TYW1: variants seen among roughly 807,000 people sequenced by gnomAD.
The protein encoded by TYW1 is S-adenosyl-L-methionine-dependent tRNA 4-demethylwyosine synthase TYW1.
A neutral mutation model predicts 96.2 loss-of-function variants in TYW1; 46 were observed. The observed-to-expected ratio is 0.48, with a 90% CI of 0.38 to 0.61. The LOEUF (loss-of-function observed/expected upper bound fraction) is 0.61. TYW1 is among the 20% of genes least tolerant of loss of function. The pLI is 0.00. For synonymous variants in TYW1, 274 were observed against 323.0 expected (o/e 0.85, Z 1.63); for missense variants, 684 against 909.6 (o/e 0.75, Z 3.19).
rs747468942 is a variant in TYW1 at position 67,153,023 on chromosome 7, A to T, written c.1699-30103A>T. Among the ~76,000 whole-genome samples, 60 of 152,228 alleles carry T rather than the reference A, an allele frequency of 3.9e-4. No homozygotes were observed. The Middle Eastern group carries it at 0.01, about 26-fold the overall frequency. On this transcript the variant is annotated intron_variant, in intron 13 of 15. Coordinates refer to ENST00000359626, the MANE Select transcript of TYW1 (RefSeq NM_018264.4). ...AGCTGTGTAGTTCTCCAGTCACATC[A>T]CACCAGGGGGAGGTCATTTTTCTAT...
chr7:67,206,149 C>T (rs1800791978), intron 15 of TYW1, among the ~76,000 whole-genome samples: 1 of 152,144 alleles, frequency 6.6e-6, no homozygotes, highest in Non-Finnish European at 1.5e-5. Flanking sequence ...TAGATTATTT[C>T]CAGGTGAACT....
At chr7:67,056,117 C>A (rs1428090625) in intron 9 of TYW1, among the ~76,000 whole-genome samples, 4 of 152,168 alleles carry the variant, frequency 2.6e-5, no homozygotes, top group Admixed American at 1.3e-4. Flanking sequence ...TTATTGTGCC[C>A]ATTTCTAGTC....
intron 4 of TYW1, 130 bp from the exon 5 acceptor site, chr7:67,014,237 T>C (rs879087813): frequency 7.7e-6 from 10 of 1,302,100 alleles, no homozygotes; most frequent in East Asian, 7.6e-5. Context: ...CCTTCACTTT[T>C]GAAGATGAAC....
At position 67,237,510 on chromosome 7, in the gene TYW1, A is replaced by C. The variant is rs1032248223; in HGVS notation, c.1978-798A>C. ...GTGAGACTCTGTCTCAAAAAAAAAA[A>C]AAAAAAAAGACAGTGGCATGACAAG... On this transcript the variant is annotated intron_variant, in intron 15 of 15. Coordinates refer to ENST00000359626, the MANE Select transcript of TYW1 (RefSeq NM_018264.4). Among the ~76,000 whole-genome samples the C allele has an allele frequency of 6.7e-4, 102 of 152,086 alleles. 1 individual carries two copies. Among genetic ancestry groups the C allele is most frequent in the African/African-American group, 2.3e-3 (97 of 41,490 alleles).
rs190037673 is a variant in TYW1, at chr7:67,080,565, A to T, written c.1275-2865A>T. ...GGATTGCCCACCACCACACCTGGCTAATTTTTGTATTTTTAGTAGAGATGG... is the reference window on the plus strand; with the variant it reads ...GGATTGCCCACCACCACACCTGGCTTATTTTTGTATTTTTAGTAGAGATGG... On this transcript the variant is annotated intron_variant, in intron 10 of 15. Transcript: ENST00000359626. Among the ~76,000 whole-genome samples the T allele has an allele frequency of 1.5e-3, 222 of 151,962 alleles. 2 individuals are homozygous for T. Among genetic ancestry groups the T allele is most frequent in the South Asian group, 7.7e-3 (37 of 4,812 alleles).
chr7:67,195,413 C>T lies in TYW1; in HGVS notation c.1977+76C>T, dbSNP rs1800362291. The T allele has an allele frequency of 2.5e-6, 4 of 1,601,450 alleles. No individual in the cohort carries two copies. The East Asian group carries it at 8.9e-5, about 36-fold the overall frequency. On this transcript the variant is annotated intron_variant, in intron 15 of 15. Coordinates refer to ENST00000359626, the MANE Select transcript of TYW1 (RefSeq NM_018264.4). ...TTCCTTCTCTTCTCTCTTTATTTTC[C>T]TCTTACATTGTTATAGGGATTATCT...
intron 10 of TYW1, among the ~76,000 whole-genome samples, chr7:67,075,714 G>A (rs1796180857): frequency 6.6e-6 from 1 of 152,314 alleles, no homozygotes; most frequent in African/African-American, 2.4e-5. Context: ...GGTTGCCTAG[G>A]GCCGGAGGGA....
chr7:67,069,795 A>C (rs563211741), intron 10 of TYW1, among the ~76,000 whole-genome samples: 22 of 152,234 alleles, frequency 1.4e-4, no homozygotes, highest in African/African-American at 5.3e-4. Flanking sequence ...AACAGTGGTG[A>C]CTTTTGTATT....
At chr7:67,108,657 G>T (rs1173884407) in intron 12 of TYW1, among the ~76,000 whole-genome samples, 7 of 151,742 alleles carry the variant, frequency 4.6e-5, no homozygotes, top group Non-Finnish European at 4.4e-5. Context: ...GGCCAGGCTG[G>T]TCTCGAACTC....
At chr7:67,199,916 GAGAAAGAGAA>G (rs1584687477) in intron 15 of TYW1, among the ~76,000 whole-genome samples, 1 of 140,562 alleles carries the variant, frequency 7.1e-6, no homozygotes, top group South Asian at 2.3e-4. Flanking sequence ...GAAAGAGAGA[GAGAAAGAGAA>G]GAAGAGAAGA....
intron 9 of TYW1, among the ~76,000 whole-genome samples, chr7:67,064,160 C>A (rs1489619586): frequency 6.6e-6 from 1 of 152,150 alleles, no homozygotes; most frequent in Non-Finnish European, 1.5e-5. Flanking sequence ...GAAGTTCTTA[C>A]AAAAATACCA....
intron 11 of TYW1, among the ~76,000 whole-genome samples, chr7:67,090,242 G>C (rs111692144): frequency 7.9e-5 from 12 of 152,278 alleles, no homozygotes; most frequent in African/African-American, 2.9e-4. Flanking sequence ...CTCAAGTGGA[G>C]TATCTATATC....
chr7:67,127,199 T>C (rs1328126704), intron 13 of TYW1, among the ~76,000 whole-genome samples: 1 of 150,316 alleles, frequency 6.7e-6, no homozygotes, highest in Non-Finnish European at 1.5e-5. Context: ...CACTCTGTCA[T>C]CCAGGCTGGA....
intron 13 of TYW1, among the ~76,000 whole-genome samples, chr7:67,172,301 G>A (rs567453184): frequency 9.2e-5 from 14 of 151,748 alleles, no homozygotes; most frequent in South Asian, 6.3e-4. Context: ...GTAAATTAAC[G>A]TTTATATCAT....
chr7:67,218,511 A>G lies in TYW1; in HGVS notation c.1978-19797A>G, dbSNP rs868516994. Among the ~76,000 whole-genome samples the G allele has an allele frequency of 7.2e-5, 11 of 152,082 alleles. No individual in the cohort carries two copies. The South Asian group carries it at 2.3e-3, about 32-fold the overall frequency. Reference sequence around the variant, plus strand: ...TGGGACTACAAGTGCATGCCATCACAACTGGCTAATTTTTGTATTTTTTTA... The same window carrying G: ...TGGGACTACAAGTGCATGCCATCACGACTGGCTAATTTTTGTATTTTTTTA... On this transcript the variant is annotated intron_variant, in intron 15 of 15. Transcript: ENST00000359626.
At chr7:66,997,547 CTGT>C (rs1793219657) in intron 1 of TYW1, among the ~76,000 whole-genome samples, 1 of 152,132 alleles carries the variant, frequency 6.6e-6, no homozygotes, top group Admixed American at 6.5e-5. Flanking sequence ...ATTTTATATT[CTGT>C]TTTTTCTTTG....
At chr7:67,066,221 C>T (rs533959275) in intron 9 of TYW1, among the ~76,000 whole-genome samples, 2 of 152,260 alleles carry the variant, frequency 1.3e-5, no homozygotes, top group Non-Finnish European at 2.9e-5. Flanking sequence ...AGTACCCTAC[C>T]TGTCCCACTG....
At chr7:67,027,992 T>C (rs1006087730) in intron 7 of TYW1, among the ~76,000 whole-genome samples, 1 of 150,728 alleles carries the variant, frequency 6.6e-6, no homozygotes, top group African/African-American at 2.4e-5. Flanking sequence ...CCCAGCACTT[T>C]GGGAGGCCGA....
At chr7:67,013,739 C>CA (rs1793900457) in intron 4 of TYW1, among the ~76,000 whole-genome samples, 1 of 97,538 alleles carries the variant, frequency 1.0e-5, no homozygotes, top group South Asian at 3.5e-4. Flanking sequence ...GCATTTTTTC[C>CA]TTTTTTTTTT....
Sources: gnomAD v4.1 joint callset for allele counts (sites outside exome capture counted in the v4.1 genomes callset) on GRCh38, gnomAD v4.1.1 for gene constraint, MANE v1.5 for transcripts, NCBI Gene and HGNC (gene_info 2026-07-23, HGNC 2026-07-21) for gene names.